DERA: variants seen among roughly 807,000 people sequenced by gnomAD.
DERA encodes the protein deoxyribose-phosphate aldolase.
A neutral mutation model predicts 41.1 loss-of-function variants in DERA; 15 were observed. That is an observed-to-expected ratio of 0.37 (90% CI 0.24 to 0.56). The LOEUF (loss-of-function observed/expected upper bound fraction) is 0.56, where lower values mean the gene tolerates loss of function less well. Ranked by LOEUF, DERA falls within the 20% of genes least tolerant of loss-of-function variation. The pLI is 0.81. For missense variants in DERA, 396 were observed against 403.4 expected (o/e 0.98, Z 0.16); for synonymous variants, 139 against 137.4 (o/e 1.01, Z -0.08).
chr12:15,928,045 A>G lies in DERA; in HGVS notation c.31+16631A>G, dbSNP rs950576048. ...AAAATAATAATTATCTATTTAGGGGATACAATGTAATATTTTGATACATGT... is the reference window on the plus strand; with the variant it reads ...AAAATAATAATTATCTATTTAGGGGGTACAATGTAATATTTTGATACATGT... On this transcript the variant is annotated intron_variant, in intron 1 of 8. Coordinates refer to ENST00000428559, the MANE Select transcript of DERA (RefSeq NM_015954.4). This position sits in a 1 kb window ranked among gnomAD's most constrained non-coding sequence, Gnocchi z 4.6. Among the ~76,000 whole-genome samples, 3 of 152,198 alleles carry G rather than the reference A, an allele frequency of 2.0e-5. No homozygotes were observed. Among genetic ancestry groups the G allele is most frequent in the Non-Finnish European group, 4.4e-5 (3 of 68,032 alleles).
At position 15,958,340 on chromosome 12, in the gene DERA, T is replaced by C. The variant is rs1417954820; in HGVS notation, c.277+5T>C. 23 of 1,594,894 alleles carry C rather than the reference T, an allele frequency of 1.4e-5. No individual in the cohort carries two copies. Among genetic ancestry groups the C allele is most frequent in the Non-Finnish European group, 1.8e-5 (21 of 1,171,812 alleles). On this transcript the variant is annotated splice_donor_5th_base_variant and intron_variant, in intron 3 of 8. Coordinates refer to ENST00000428559, the MANE Select transcript of DERA (RefSeq NM_015954.4). The stretch of plus-strand genomic sequence containing the variant: ...CTTTAAATATGCATGATAAAGGTAA[T>C]GTTGTTGTGTGTGATCTATGTGGTG...
Position 16,036,957 on chromosome 12 carries a change from A to G in DERA, c.*211A>G. 1.9e-6 allele frequency: 1 copy of G among 516,134 alleles called. No homozygotes were observed. The highest frequency in any genetic ancestry group is 3.4e-6 in the Non-Finnish European group (1 of 295,232). The allele number at this position is 516,134 out of a possible 1,614,324, so 32.0% of individuals were successfully genotyped here. On this transcript the variant is annotated 3_prime_UTR_variant, in exon 9 of 9. Transcript: ENST00000428559. This position sits in a 1 kb window ranked among gnomAD's most constrained non-coding sequence, Gnocchi z 4.9. ...CACATCTGAAATGATCTTAATTACT[A>G]GAAGATCTGCACTATTAACTTTGTG...
In DERA at chr12:16,000,481, T is replaced by A. The variant is rs1565610188; in HGVS notation, c.637+18045T>A. 6.6e-6 allele frequency among the ~76,000 whole-genome samples: 1 copy of A among 152,218 alleles called. No individual in the cohort carries two copies. Among genetic ancestry groups the A allele is most frequent in the Non-Finnish European group, 1.5e-5 (1 of 68,042 alleles). ...GGAAAAGGAAATTCATGCTTTTACT[T>A]GAATTATCAGGATGATGCTTTGCTT... On this transcript the variant is annotated intron_variant, in intron 6 of 8. Transcript: ENST00000428559. This position sits in a 1 kb window ranked among gnomAD's most constrained non-coding sequence, Gnocchi z 4.8.
chr12:15,992,666 A>T lies in DERA; in HGVS notation c.637+10230A>T, dbSNP rs1180957204. ...TTGAACAATCCAAGAACAAGATGAT[A>T]GGACATAAGATAGGGAAACATACTT... is the stretch of plus-strand genomic sequence containing the variant. On this transcript the variant is annotated intron_variant, in intron 6 of 8. Coordinates refer to ENST00000428559, the MANE Select transcript of DERA (RefSeq NM_015954.4). The surrounding 1 kb of genome is among the most constrained non-coding windows in gnomAD (Gnocchi z 4.3). Among the ~76,000 whole-genome samples the T allele has an allele frequency of 6.6e-6, 1 of 152,212 alleles. No individual in the cohort carries two copies. Among genetic ancestry groups the T allele is most frequent in the Non-Finnish European group, 1.5e-5 (1 of 68,010 alleles).
chr12:15,932,466 A>G (rs1261757685), intron 1 of DERA, among the ~76,000 whole-genome samples: 1 of 152,108 alleles, frequency 6.6e-6, no homozygotes, highest in Non-Finnish European at 1.5e-5. Context: ...TCTGCACAAC[A>G]TGACAAAACC....
rs141607358 is a variant in DERA at position 15,917,284 on chromosome 12, C to T, written c.31+5870C>T. ...ATGAAAATTTGACTCTAGCTCTTAGCTCAGGTGGTAAGAGAATTTAAAAAT... is the reference window on the plus strand; with the variant it reads ...ATGAAAATTTGACTCTAGCTCTTAGTTCAGGTGGTAAGAGAATTTAAAAAT... On this transcript the variant is annotated intron_variant, in intron 1 of 8. Transcript: ENST00000428559. Among the ~76,000 whole-genome samples the T allele has an allele frequency of 6.4e-4, 98 of 152,276 alleles. 1 individual carries two copies. Among genetic ancestry groups the T allele is most frequent in the African/African-American group, 2.2e-3 (92 of 41,578 alleles).
rs890369078 is a variant in DERA at position 16,017,885 on chromosome 12, C to T, written c.638-14657C>T. On this transcript the variant is annotated intron_variant, in intron 6 of 8. Transcript: ENST00000428559. This position sits in a 1 kb window ranked among gnomAD's most constrained non-coding sequence, Gnocchi z 5.5. ...GGTATGAATTCCACTTAATGACAAG[C>T]TTTCTCAAGCAGCAGTTGATTTGAA... is the stretch of plus-strand genomic sequence containing the variant. Among the ~76,000 whole-genome samples, 3 of 152,134 alleles carry T rather than the reference C, an allele frequency of 2.0e-5. No individual in the cohort carries two copies. The highest frequency in any genetic ancestry group is 4.4e-5 in the Non-Finnish European group (3 of 68,002).
intron 1 of DERA, among the ~76,000 whole-genome samples, chr12:15,917,996 C>A (rs1283322370): frequency 6.6e-6 from 1 of 152,202 alleles, no homozygotes. Flanking sequence ...CCTATCATCT[C>A]TCTGTATCTA....
At position 15,999,778 on chromosome 12, in the gene DERA, C is replaced by T. The variant is rs542298479; in HGVS notation, c.637+17342C>T. Among the ~76,000 whole-genome samples, 1 of 152,130 alleles carries T rather than the reference C, an allele frequency of 6.6e-6. No homozygotes were observed. Among genetic ancestry groups the T allele is most frequent in the South Asian group, 2.1e-4 (1 of 4,824 alleles). On this transcript the variant is annotated intron_variant, in intron 6 of 8. Coordinates refer to ENST00000428559, the MANE Select transcript of DERA (RefSeq NM_015954.4). This position sits in a 1 kb window ranked among gnomAD's most constrained non-coding sequence, Gnocchi z 5.3. ...TGACTGAGTAACTCATTCATTCATT[C>T]ATTTATTCAGTCGTTAGGATTTATT...
rs377498363 is a variant in DERA at position 16,008,699 on chromosome 12, G to A, written c.638-23843G>A. ...GAGGTGTAGCCAGTCACCGCTGTTG[G>A]CTCATCATTAGTGTCAGGATTGGGG... On this transcript the variant is annotated intron_variant, in intron 6 of 8. Transcript: ENST00000428559. The surrounding 1 kb of genome is among the most constrained non-coding windows in gnomAD (Gnocchi z 4.8). 2.6e-5 allele frequency among the ~76,000 whole-genome samples: 4 copies of A among 152,294 alleles called. No homozygotes were observed. The highest frequency in any genetic ancestry group is 9.6e-5 in the African/African-American group (4 of 41,564).
Position 15,925,495 on chromosome 12 carries a change from A to G in DERA, c.31+14081A>G, listed in dbSNP as rs1281829809. 2.6e-5 allele frequency among the ~76,000 whole-genome samples: 4 copies of G among 152,232 alleles called. No individual in the cohort carries two copies. In the South Asian group the frequency reaches 6.2e-4, roughly 24 times the overall value. ...TTACTCTTTTAAGTGTGAAAAAAAA[A>G]GATGTTTAAAACTTGAACCATCTGG... On this transcript the variant is annotated intron_variant, in intron 1 of 8. Transcript: ENST00000428559.
In DERA at chr12:16,000,023, A is replaced by C. The variant is rs1592043447; in HGVS notation, c.637+17587A>C. ...AACTGAGATGCAATGCAGGCAATGC[A>C]GTGGGTATGGAGCAGAGTAGATGCC... On this transcript the variant is annotated intron_variant, in intron 6 of 8. Transcript: ENST00000428559. This position sits in a 1 kb window ranked among gnomAD's most constrained non-coding sequence, Gnocchi z 4.8. Among the ~76,000 whole-genome samples the C allele has an allele frequency of 6.6e-6, 1 of 152,170 alleles. No individual in the cohort carries two copies. The highest frequency in any genetic ancestry group is 1.9e-4 in the East Asian group (1 of 5,200).
intron 1 of DERA, among the ~76,000 whole-genome samples, chr12:15,934,924 T>G (rs1429478951): frequency 6.6e-6 from 1 of 152,200 alleles, no homozygotes; most frequent in Non-Finnish European, 1.5e-5. Flanking sequence ...TACTACCTTT[T>G]TCATAGGTTT....
At position 15,915,323 on chromosome 12, in the gene DERA, G is replaced by A. The variant is rs1948191245; in HGVS notation, c.31+3909G>A. On this transcript the variant is annotated intron_variant, in intron 1 of 8. Coordinates refer to ENST00000428559, the MANE Select transcript of DERA (RefSeq NM_015954.4). This position sits in a 1 kb window ranked among gnomAD's most constrained non-coding sequence, Gnocchi z 4.8. ...TCCTTTTAAAAGAACCTATGAATTA[G>A]GGATTTAGGGAGCTCATTTTTGGCA... 6.6e-6 allele frequency among the ~76,000 whole-genome samples: 1 copy of A among 152,154 alleles called. No individual in the cohort carries two copies. Among genetic ancestry groups the A allele is most frequent in the Non-Finnish European group, 1.5e-5 (1 of 68,024 alleles).
chr12:16,018,223 T>C (rs1436679447), intron 6 of DERA, among the ~76,000 whole-genome samples: 1 of 152,178 alleles, frequency 6.6e-6, no homozygotes, highest in Non-Finnish European at 1.5e-5. Context: ...CTATGAAGTC[T>C]GAATGAGATT....
chr12:15,919,274 A>G (rs1948224247), intron 1 of DERA, among the ~76,000 whole-genome samples: 1 of 151,862 alleles, frequency 6.6e-6, no homozygotes, highest in African/African-American at 2.4e-5. Flanking sequence ...TTTTTTTTTA[A>G]AAAGCATCTA....
At chr12:15,920,064 A>C (rs1247021934) in intron 1 of DERA, among the ~76,000 whole-genome samples, 1 of 151,422 alleles carries the variant, frequency 6.6e-6, no homozygotes, top group Non-Finnish European at 1.5e-5. Flanking sequence ...ATTTCATTCA[A>C]ATGTCTAAAA....
At chr12:15,927,615 A>G (rs2136128530) in intron 1 of DERA, among the ~76,000 whole-genome samples, 2 of 152,292 alleles carry the variant, frequency 1.3e-5, no homozygotes, top group East Asian at 3.9e-4. Flanking sequence ...AACTTTTCAT[A>G]GTTTGTATGA....
Position 16,011,313 on chromosome 12 carries a change from C to T in DERA, c.638-21229C>T, listed in dbSNP as rs1430976810. 6.6e-6 allele frequency among the ~76,000 whole-genome samples: 1 copy of T among 152,058 alleles called. No homozygotes were observed. The highest frequency in any genetic ancestry group is 1.9e-4 in the East Asian group (1 of 5,186). ...AATCATATTTTACAGGTTGAATATC[C>T]CTTATCTTAAATGCTTGGAACCAGA... On this transcript the variant is annotated intron_variant, in intron 6 of 8. Transcript: ENST00000428559. The surrounding 1 kb of genome is among the most constrained non-coding windows in gnomAD (Gnocchi z 4.7).
Sources: gnomAD v4.1 joint callset for allele counts (sites outside exome capture counted in the v4.1 genomes callset) on GRCh38, gnomAD v4.1.1 for gene constraint, Gnocchi (gnomAD v3.1) non-coding constraint, MANE v1.5 for transcripts, NCBI Gene and HGNC (gene_info 2026-07-23, HGNC 2026-07-21) for gene names.